Variants in SPEM2 observed in about 807,000 individuals in gnomAD.
SPEM2 encodes the protein SPEM family member 2, also known as uncharacterized protein SPEM2.
In SPEM2, 15 loss-of-function variants were observed where a neutral mutation model predicts 9.3. The observed-to-expected ratio is 1.62, with a 90% CI of 1.08 to 2.50. The LOEUF (loss-of-function observed/expected upper bound fraction) is 2.50. Ranked by LOEUF, SPEM2 falls within the 30% of genes most tolerant of loss-of-function variation. SPEM2 has a pLI of 0.00. For missense variants in SPEM2, 678 were observed against 690.0 expected, an observed-to-expected ratio of 0.98 and a Z score of 0.19; for synonymous variants, 268 against 272.4, an observed-to-expected ratio of 0.98 and a Z score of 0.16.
Position 7,426,355 on chromosome 17 carries a change from C to T in SPEM2, c.364C>T (p.Arg122Cys), listed in dbSNP as rs763001095. 15 of 1,613,868 alleles carry T rather than the reference C, an allele frequency of 9.3e-6. No individual in the cohort carries two copies. The highest frequency in any genetic ancestry group is 2.7e-5 in the African/African-American group (2 of 74,920). ...FSNHHSSSLL[R>C]CVRRRRRRHR... Reference sequence around the variant, plus strand: ...CAACCATCACAGTAGCAGTCTTCTTCGCTGTGTTCGTCGCCGCCGCCGCCG... The same window carrying T: ...CAACCATCACAGTAGCAGTCTTCTTTGCTGTGTTCGTCGCCGCCGCCGCCG... Residue 122 changes from arginine (R) to cysteine (C), a missense_variant, in exon 3 of 3, where the codon CGC becomes TGC. Arg to Cys is a radical substitution (Grantham distance 180). Coordinates refer to ENST00000333870, the MANE Select transcript of SPEM2 (RefSeq NM_175734.5). This position sits in a 1 kb window ranked among gnomAD's most constrained non-coding sequence, Gnocchi z 5.3.
rs370485691 is a variant in SPEM2, at chr17:7,426,080, C to A, written c.196+30C>A. 6.2e-7 allele frequency: 1 copy of A among 1,613,800 alleles called. No individual in the cohort carries two copies. The highest frequency in any genetic ancestry group is 1.7e-5 in the Admixed American group (1 of 60,010). On this transcript the variant is annotated intron_variant, in intron 2 of 2. Transcript: ENST00000333870. The surrounding 1 kb of genome is among the most constrained non-coding windows in gnomAD (Gnocchi z 5.3). ...GTGTGGCTGCTGGAGAGGTAGGGGA[C>A]CCCCATCCCCACCCCTGACAATGGC...
In SPEM2 at chr17:7,427,077, C is replaced by T; in HGVS notation, c.1086C>T (p.Arg362=). The T allele has an allele frequency of 2.5e-6, 4 of 1,613,400 alleles. No individual in the cohort carries two copies. The highest frequency in any genetic ancestry group is 3.4e-6 in the Non-Finnish European group (4 of 1,179,932). ...LLGHAYGQSH[R]SPHPSTEPLG... ...GTCACGCCTATGGCCAGTCCCACCG[C>T]AGTCCCCACCCATCCACGGAACCCT... Residue 362 remains arginine, a synonymous_variant, in exon 3 of 3, where the codon CGC becomes CGT. Transcript: ENST00000333870. The surrounding 1 kb of genome is among the most constrained non-coding windows in gnomAD (Gnocchi z 5.4).
In SPEM2 at chr17:7,425,804, T is replaced by C. The variant is rs1907566231; in HGVS notation, c.116T>C (p.Ile39Thr). The C allele has an allele frequency of 1.2e-6, 2 of 1,614,178 alleles. No individual in the cohort carries two copies. Among genetic ancestry groups the C allele is most frequent in the African/African-American group, 2.7e-5 (2 of 75,050 alleles). ...LLLGLIVLVN[I>T]GINVATMMWH... ...CTGGGCCTCATCGTTCTTGTCAACA[T>C]TGGCATCAACGTGGCAACTATGGTC... The change falls in exon 1 of 3, where the codon ATT becomes ACT. Residue 39 changes from isoleucine (I) to threonine (T), a missense_variant. Coordinates refer to ENST00000333870, the MANE Select transcript of SPEM2 (RefSeq NM_175734.5).
rs1419933483 is a variant in SPEM2, at chr17:7,427,374, C to T, written c.1383C>T (p.Tyr461=). ...GGGGCAATGCCAACTACCAGGTGTA[C>T]GACAGCCTGGAGCTGAAGCGGCAGG... ...NPGGNANYQV[Y]DSLELKRQVQ... Residue 461 remains tyrosine (Y), a synonymous_variant, in exon 3 of 3, where the codon TAC becomes TAT. Coordinates refer to ENST00000333870, the MANE Select transcript of SPEM2 (RefSeq NM_175734.5). This position sits in a 1 kb window ranked among gnomAD's most constrained non-coding sequence, Gnocchi z 5.4. 2.0e-5 allele frequency: 32 copies of T among 1,613,870 alleles called. No individual in the cohort carries two copies. The Middle Eastern group carries it at 1.6e-3, about 83-fold the overall frequency.
chr17:7,425,963 T>C (rs373853895), intron 1 of SPEM2, 30 bp from the exon 2 acceptor site: 8 of 1,613,830 alleles, frequency 5.0e-6, no homozygotes, highest in Non-Finnish European at 6.8e-6. Context: ...GCGGAGGGCC[T>C]GGCCTTCACT....
chr17:7,427,515 G>A lies in SPEM2; in HGVS notation c.*18G>A. The A allele has an allele frequency of 6.4e-7, 1 of 1,551,558 alleles. No individual in the cohort carries two copies. The highest frequency in any genetic ancestry group is 8.7e-7 in the Non-Finnish European group (1 of 1,147,708). ...TCAACTGACCAGCAGGCGGATGTGG[G>A]GTGTGGGGCAGGGCATGGAGGGAGA... On this transcript the variant is annotated 3_prime_UTR_variant, in exon 3 of 3. Coordinates refer to ENST00000333870, the MANE Select transcript of SPEM2 (RefSeq NM_175734.5). This position sits in a 1 kb window ranked among gnomAD's most constrained non-coding sequence, Gnocchi z 5.4.
At position 7,426,659 on chromosome 17, in the gene SPEM2, G is replaced by C. The variant is rs1907620594; in HGVS notation, c.668G>C (p.Gly223Ala). The C allele has an allele frequency of 6.2e-7, 1 of 1,614,070 alleles. No homozygotes were observed. ...AATGTGGGGCTGTGGGGCCACCAGG[G>C]TGGTATCCTGGCCAGTCTGCCACCA... Reference protein sequence around the residue: ...PSNVGLWGHQGGILASLPPPS... With the variant: ...PSNVGLWGHQAGILASLPPPS... Residue 223 changes from glycine to alanine, a missense_variant, in exon 3 of 3, where the codon GGT becomes GCT. Transcript: ENST00000333870. This position sits in a 1 kb window ranked among gnomAD's most constrained non-coding sequence, Gnocchi z 5.3.
At position 7,426,830 on chromosome 17, in the gene SPEM2, C is replaced by G. The variant is rs762565191; in HGVS notation, c.839C>G (p.Pro280Arg). Residue 280 changes from proline to arginine, a missense_variant, in exon 3 of 3, where the codon CCA (proline) becomes CGA (arginine). By Grantham distance (103) the Pro-to-Arg change is moderately radical. Transcript: ENST00000333870. This position sits in a 1 kb window ranked among gnomAD's most constrained non-coding sequence, Gnocchi z 5.3. ...NVEAEQWASS[P>R]PPPHRLPPNP... ...GAGGCTGAGCAGTGGGCCTCGTCTC[C>G]ACCACCTCCCCACCGGCTGCCCCCT... 9.9e-6 allele frequency: 16 copies of G among 1,609,178 alleles called. No homozygotes were observed. The South Asian group carries it at 1.3e-4, about 13-fold the overall frequency.
rs752912269 is a variant in SPEM2 at position 7,426,296 on chromosome 17, C to A, written c.305C>A (p.Thr102Lys). Residue 102 changes from threonine (T) to lysine (K), a missense_variant, in exon 3 of 3, where the codon ACG becomes AAG. Coordinates refer to ENST00000333870, the MANE Select transcript of SPEM2 (RefSeq NM_175734.5). This position sits in a 1 kb window ranked among gnomAD's most constrained non-coding sequence, Gnocchi z 5.3. ...DPVQVKMSRP[T>K]QYSSFSCHHF... The stretch of plus-strand genomic sequence containing the variant: ...GTGCAGGTGAAGATGTCCCGACCCA[C>A]GCAGTACTCCTCTTTCTCCTGCCAC... 6.8e-6 allele frequency: 11 copies of A among 1,614,204 alleles called. No homozygotes were observed. In the Admixed American group the frequency reaches 1.7e-4, roughly 24 times the overall value.
Position 7,426,445 on chromosome 17 carries a change from C to T in SPEM2, c.454C>T (p.Pro152Ser). Residue 152 changes from proline (P) to serine (S), a missense_variant, in exon 3 of 3, where the codon CCC becomes TCC. Transcript: ENST00000333870. This position sits in a 1 kb window ranked among gnomAD's most constrained non-coding sequence, Gnocchi z 5.3. The part of the protein sequence containing the change: ...QQRPQNYRQI[P>S]HSHSVFRNPH... Reference sequence around the variant, plus strand: ...GCGGCCGCAGAACTACAGACAAATCCCCCATAGCCACTCAGTCTTCCGTAA... The same window carrying T: ...GCGGCCGCAGAACTACAGACAAATCTCCCATAGCCACTCAGTCTTCCGTAA... The T allele has an allele frequency of 6.2e-7, 1 of 1,613,846 alleles. No homozygotes were observed.
chr17:7,427,335 C>T lies in SPEM2; in HGVS notation c.1344C>T (p.Leu448=). The change falls in exon 3 of 3, where the codon CTC becomes CTT. Residue 448 remains leucine (L), a synonymous_variant. Transcript: ENST00000333870. The surrounding 1 kb of genome is among the most constrained non-coding windows in gnomAD (Gnocchi z 5.4). ...CTCCCCCGACCATGTTTGTCCCACT[C>T]AGCCGGAATCCAGGGGGCAATGCCA... ...PAPPPTMFVP[L]SRNPGGNANY... 1 of 1,614,136 alleles carries T rather than the reference C, an allele frequency of 6.2e-7. No individual in the cohort carries two copies. The highest frequency in any genetic ancestry group is 8.5e-7 in the Non-Finnish European group (1 of 1,180,014).
Position 7,426,250 on chromosome 17 carries a change from A to C in SPEM2, c.259A>C (p.Ile87Leu). Residue 87 changes from isoleucine (I) to leucine (L), a missense_variant, in exon 3 of 3, where the codon ATC becomes CTC. Coordinates refer to ENST00000333870, the MANE Select transcript of SPEM2 (RefSeq NM_175734.5). The surrounding 1 kb of genome is among the most constrained non-coding windows in gnomAD (Gnocchi z 5.3). ...CCCAGACAAGGCTCAGGATGTCCAC[A>C]TCCACTGCATCCTGGACCCTGTGCA... is the stretch of plus-strand genomic sequence containing the variant. ...GPPDKAQDVH[I>L]HCILDPVQVK... The C allele has an allele frequency of 6.2e-7, 1 of 1,614,116 alleles. No individual in the cohort carries two copies. Among genetic ancestry groups the C allele is most frequent in the Non-Finnish European group, 8.5e-7 (1 of 1,180,014 alleles).
In SPEM2 at chr17:7,425,913, G is replaced by A. The variant is rs999854123; in HGVS notation, c.139-80G>A. The A allele has an allele frequency of 1.9e-5, 31 of 1,611,582 alleles. No individual in the cohort carries two copies. The Admixed American group carries it at 2.3e-4, about 12-fold the overall frequency. ...AGCCTACATCTCCACCTGCAGGTGC[G>A]GTCTAGATTGGGGCGGGGGCAGGGG... On this transcript the variant is annotated intron_variant, in intron 1 of 2. Coordinates refer to ENST00000333870, the MANE Select transcript of SPEM2 (RefSeq NM_175734.5).
Position 7,427,109 on chromosome 17 carries a change from A to G in SPEM2, c.1118A>G (p.Tyr373Cys). Residue 373 changes from tyrosine to cysteine, a missense_variant, in exon 3 of 3, where the codon TAC (tyrosine) becomes TGC (cysteine). Transcript: ENST00000333870. The surrounding 1 kb of genome is among the most constrained non-coding windows in gnomAD (Gnocchi z 5.4). Reference sequence around the variant, plus strand: ...CACCCATCCACGGAACCCTTGGGCTACAGCTCCCAGGACCCCCGTGAGGTG... The same window carrying G: ...CACCCATCCACGGAACCCTTGGGCTGCAGCTCCCAGGACCCCCGTGAGGTG... ...SPHPSTEPLG[Y>C]SSQDPREVRR... 6.2e-7 allele frequency: 1 copy of G among 1,613,642 alleles called. No individual in the cohort carries two copies. Among genetic ancestry groups the G allele is most frequent in the Non-Finnish European group, 8.5e-7 (1 of 1,179,816 alleles).
rs749981921 is a variant in SPEM2 at position 7,426,774 on chromosome 17, C to A, written c.783C>A (p.His261Gln). The change falls in exon 3 of 3, where the codon CAC becomes CAA. Residue 261 changes from histidine to glutamine, a missense_variant. Transcript: ENST00000333870. This position sits in a 1 kb window ranked among gnomAD's most constrained non-coding sequence, Gnocchi z 5.3. ...SELRLQSYGR[H>Q]GSQSRLWGNV... ...TGAGGCTGCAGTCCTATGGGCGCCACGGTTCCCAATCCCGACTGTGGGGCA... is the reference window on the plus strand; with the variant it reads ...TGAGGCTGCAGTCCTATGGGCGCCAAGGTTCCCAATCCCGACTGTGGGGCA... 1.6e-5 allele frequency: 26 copies of A among 1,602,506 alleles called. No individual in the cohort carries two copies. The highest frequency in any genetic ancestry group is 2.1e-5 in the Non-Finnish European group (25 of 1,173,374).
Position 7,427,191 on chromosome 17 carries a change from C to T in SPEM2, c.1200C>T (p.Thr400=), listed in dbSNP as rs776775296. 4 of 1,614,220 alleles carry T rather than the reference C, an allele frequency of 2.5e-6. No homozygotes were observed. The highest frequency in any genetic ancestry group is 2.5e-6 in the Non-Finnish European group (3 of 1,180,026). ...TGCCCGCCTGGCGTCCTCTGACTAC[C>T]TCTGCCTCCCTCACGGTGTTGGACG... ...EALPAWRPLT[T]SASLTVLDEA... Residue 400 remains threonine (T), a synonymous_variant, in exon 3 of 3, where the codon ACC becomes ACT. Transcript: ENST00000333870. The surrounding 1 kb of genome is among the most constrained non-coding windows in gnomAD (Gnocchi z 5.4).
intron 1 of SPEM2, 72 bp downstream of exon 1, chr17:7,425,898 T>G: frequency 6.3e-6 from 10 of 1,590,178 alleles, no homozygotes; most frequent in Non-Finnish European, 8.6e-6. Context: ...AGCCTACATC[T>G]CCACCTGCAG....
rs750562666 is a variant in SPEM2 at position 7,426,850 on chromosome 17, C to T, written c.859C>T (p.Pro287Ser). The T allele has an allele frequency of 2.5e-6, 4 of 1,610,618 alleles. No homozygotes were observed. The highest frequency in any genetic ancestry group is 2.2e-5 in the East Asian group (1 of 44,868). ...ASSPPPPHRL[P>S]PNPSWVPVGH... is the part of the protein sequence containing the mutation. ...GTCTCCACCACCTCCCCACCGGCTG[C>T]CCCCTAACCCCTCTTGGGTCCCCGT... The change falls in exon 3 of 3, where the codon CCC becomes TCC. Residue 287 changes from proline to serine, a missense_variant. By Grantham distance (74) the Pro-to-Ser change is moderately conservative. Coordinates refer to ENST00000333870, the MANE Select transcript of SPEM2 (RefSeq NM_175734.5). This position sits in a 1 kb window ranked among gnomAD's most constrained non-coding sequence, Gnocchi z 5.3.
In SPEM2 at chr17:7,426,889, T is replaced by C. The variant is rs1399031274; in HGVS notation, c.898T>C (p.Tyr300His). 6.2e-7 allele frequency: 1 copy of C among 1,613,386 alleles called. No individual in the cohort carries two copies. Among genetic ancestry groups the C allele is most frequent in the South Asian group, 1.1e-5 (1 of 91,072 alleles). ...PSWVPVGHSP[Y>H]PSVGWMLYDS... Reference sequence around the variant, plus strand: ...TTGGGTCCCCGTGGGGCACAGCCCTTACCCCTCAGTGGGCTGGATGCTGTA... The same window carrying C: ...TTGGGTCCCCGTGGGGCACAGCCCTCACCCCTCAGTGGGCTGGATGCTGTA... Residue 300 changes from tyrosine (Y) to histidine (H), a missense_variant, in exon 3 of 3, where the codon TAC becomes CAC. Coordinates refer to ENST00000333870, the MANE Select transcript of SPEM2 (RefSeq NM_175734.5). This position sits in a 1 kb window ranked among gnomAD's most constrained non-coding sequence, Gnocchi z 5.3.
Sources: gnomAD v4.1 joint callset for allele counts on GRCh38, gnomAD v4.1.1 for gene constraint, Gnocchi (gnomAD v3.1) non-coding constraint, MANE v1.5 for transcripts, NCBI Gene and HGNC (gene_info 2026-07-23, HGNC 2026-07-21) for gene names.